ITGA4: variants seen among roughly 807,000 people sequenced by gnomAD.
ITGA4 encodes integrin subunit alpha 4, also known as integrin alpha-4.
ITGA4 carries 63 observed loss-of-function variants against 133.6 expected under a neutral mutation model. The ratio of observed to expected loss-of-function variants is 0.47; its 90% CI spans 0.38 to 0.58. ITGA4 has a LOEUF of 0.58. Among genes scored for constraint, ITGA4 ranks in the 20% least tolerant of loss-of-function variants. The probability of loss-of-function intolerance (pLI) is 0.00; values close to 1 mark genes in which losing one functional copy is unlikely to be tolerated. For missense variants in ITGA4, 1,076 were observed against 1,252.7 expected, an observed-to-expected ratio of 0.86 and a Z score of 2.13; for synonymous variants, 483 against 438.0, an observed-to-expected ratio of 1.10 and a Z score of -1.28.
chr2:181,534,329 C>A lies in ITGA4; in HGVS notation c.2842C>A (p.Pro948Thr). 6.2e-7 allele frequency: 1 copy of A among 1,610,170 alleles called. No homozygotes were observed. The highest frequency in any genetic ancestry group is 8.5e-7 in the Non-Finnish European group (1 of 1,176,656). The change falls in exon 26 of 28, where the codon CCA becomes ACA. Residue 948 changes from proline (P) to threonine (T), a missense_variant. Transcript: ENST00000397033. ...IRATGFPEPNPRVIELNKDEN... is the reference protein window; with the variant it reads ...IRATGFPEPNTRVIELNKDEN... ...AGCAACAGGTTTTCCAGAGCCAAAT[C>A]CAAGAGTAATTGAACTAAACAAGGA...
At position 181,534,799 on chromosome 2, in the gene ITGA4, TTTC is replaced by T; in HGVS notation, c.2884-14_2884-12del. 6.3e-7 allele frequency: 1 copy of T among 1,576,620 alleles called. No individual in the cohort carries two copies. Among genetic ancestry groups the T allele is most frequent in the Non-Finnish European group, 8.6e-7 (1 of 1,168,108 alleles). On this transcript the variant is annotated splice_polypyrimidine_tract_variant and intron_variant, in intron 26 of 27. Coordinates refer to ENST00000397033, the MANE Select transcript of ITGA4 (RefSeq NM_000885.6). ...TTTTTTTTGGTTTTTGAGTTTTATTTTTCTTAACTCACGTAGGTTCTACTGGAA... is the reference window on the plus strand; with the variant it reads ...TTTTTTTTGGTTTTTGAGTTTTATTTTTAACTCACGTAGGTTCTACTGGAA...
At chr2:181,531,601 A>T (rs997205832) in intron 24 of ITGA4, 56 bp from the exon 25 acceptor site, 11 of 1,000,326 alleles carry the variant, frequency 1.1e-5, no homozygotes, top group African/African-American at 8.4e-5. Flanking sequence ...AAAATATTTT[A>T]AAAATATTTT....
At chr2:181,472,278 A>G (rs1000583898) in intron 2 of ITGA4, among the ~76,000 whole-genome samples, 3 of 152,232 alleles carry the variant, frequency 2.0e-5, no homozygotes, top group East Asian at 1.9e-4. Flanking sequence ...CTATTTTTGC[A>G]CATAATTTTT....
chr2:181,524,245 T>C lies in ITGA4; in HGVS notation c.2244T>C (p.Ala748=). 1 of 1,532,196 alleles carries C rather than the reference T, an allele frequency of 6.5e-7. No homozygotes were observed. Among genetic ancestry groups the C allele is most frequent in the Non-Finnish European group, 8.9e-7 (1 of 1,121,982 alleles). 94.9% of individuals were successfully genotyped at this position (1,532,196 alleles called of 1,614,324 possible). The change falls in exon 20 of 28, where the codon GCT becomes GCC. Residue 748 remains alanine (A), a synonymous_variant. Transcript: ENST00000397033. ...AGGACCTCAGTATCACAGTGCATGC[T>C]ACCTGGTATAATTTATTGTTAATAA... ...AEEDLSITVH[A]TCENEEEMDN...
rs202008290 is a variant in ITGA4 at position 181,482,366 on chromosome 2, A to G, written c.847A>G (p.Ile283Val). The change falls in exon 8 of 28, where the codon ATA becomes GTA. Residue 283 changes from isoleucine (I) to valine (V), a missense_variant. Around this residue, in one of 4 missense-constraint regions of ITGA4, gnomAD observed 436 missense variants for 590.7 expected, o/e 0.74. Transcript: ENST00000397033. ...PQHEQIGKAY[I>V]FSIDEKELNI... is the part of the protein sequence containing the mutation. The stretch of plus-strand genomic sequence containing the variant: ...ATTCTTTCCCTAATTACAGGCATAT[A>G]TATTCAGCATTGATGAAAAAGAACT... 5 of 1,611,022 alleles carry G rather than the reference A, an allele frequency of 3.1e-6. No individual in the cohort carries two copies. The highest frequency in any genetic ancestry group is 4.2e-6 in the Non-Finnish European group (5 of 1,178,468).
chr2:181,523,759 CAT>C lies in ITGA4; in HGVS notation c.2169+228_2169+229del, dbSNP rs1295793207. Among the ~76,000 whole-genome samples, 1 of 152,036 alleles carries C rather than the reference CAT, an allele frequency of 6.6e-6. No homozygotes were observed. Among genetic ancestry groups the C allele is most frequent in the Non-Finnish European group, 1.5e-5 (1 of 68,014 alleles). On this transcript the variant is annotated intron_variant, in intron 19 of 27. Coordinates refer to ENST00000397033, the MANE Select transcript of ITGA4 (RefSeq NM_000885.6). This position sits in a 1 kb window ranked among gnomAD's most constrained non-coding sequence, Gnocchi z 4.2. ...ATGTTTACATCGAAATGGGCATGTG[CAT>C]GTGTCAATCAGAATTCTGCTCCCCC...
Position 181,482,343 on chromosome 2 carries a change from T to A in ITGA4, c.841-17T>A, listed in dbSNP as rs780057261. 1 of 1,588,282 alleles carries A rather than the reference T, an allele frequency of 6.3e-7. No individual in the cohort carries two copies. ...TGTTATTCCTAAAAACTTTTCTAAT[T>A]CTTTCCCTAATTACAGGCATATATA... is the stretch of plus-strand genomic sequence containing the variant. On this transcript the variant is annotated splice_polypyrimidine_tract_variant and intron_variant, in intron 7 of 27. Coordinates refer to ENST00000397033, the MANE Select transcript of ITGA4 (RefSeq NM_000885.6).
At chr2:181,507,124 A>C (rs1686409711) in intron 15 of ITGA4, among the ~76,000 whole-genome samples, 1 of 152,150 alleles carries the variant, frequency 6.6e-6, no homozygotes. Context: ...AAGACATCAC[A>C]GTCTGTGACC....
In ITGA4 at chr2:181,536,576, CGAA is replaced by C. The variant is rs977446985; in HGVS notation, c.*1053_*1055del. On this transcript the variant is annotated 3_prime_UTR_variant, in exon 28 of 28. Coordinates refer to ENST00000397033, the MANE Select transcript of ITGA4 (RefSeq NM_000885.6). ...GTATAAGTGTTACCTTACATGGAAA[CGAA>C]GAAACAAAATTCATAAATTTAAATT... The C allele has an allele frequency of 2.1e-5, 2 of 94,298 alleles. No homozygotes were observed. Among genetic ancestry groups the C allele is most frequent in the African/African-American group, 4.9e-5 (1 of 20,240 alleles). The allele number at this position is 94,298 out of a possible 1,614,324, so 5.8% of individuals were successfully genotyped here.
In ITGA4 at chr2:181,482,605, C is replaced by T. The variant is rs1437549653; in HGVS notation, c.995C>T (p.Thr332Ile). 2 of 1,613,694 alleles carry T rather than the reference C, an allele frequency of 1.2e-6. No individual in the cohort carries two copies. The highest frequency in any genetic ancestry group is 8.5e-7 in the Non-Finnish European group (1 of 1,179,724). The change falls in exon 9 of 28, where the codon ACC becomes ATC. Residue 332 changes from threonine (T) to isoleucine (I), a missense_variant. This residue lies in a region of ITGA4 where 436 missense variants were observed against 590.7 expected (regional missense o/e 0.74). Coordinates refer to ENST00000397033, the MANE Select transcript of ITGA4 (RefSeq NM_000885.6). ...CTCGTGGGAGCACCCATGCAGAGCACCATCAGAGAGGAAGGAAGAGTGTTT... is the reference window on the plus strand; with the variant it reads ...CTCGTGGGAGCACCCATGCAGAGCATCATCAGAGAGGAAGGAAGAGTGTTT... Reference protein sequence around the residue: ...DLLVGAPMQSTIREEGRVFVY... With the variant: ...DLLVGAPMQSIIREEGRVFVY...
intron 25 of ITGA4, among the ~76,000 whole-genome samples, chr2:181,533,708 G>C (rs1686993386): frequency 6.6e-6 from 1 of 152,120 alleles, no homozygotes; most frequent in African/African-American, 2.4e-5. Flanking sequence ...TTACACAATA[G>C]TTTTAAAGGT....
chr2:181,537,087 A>ATACACAGGAATAAACT lies in ITGA4; in HGVS notation c.*1562_*1577dup, dbSNP rs1687161400. 1 of 451,650 alleles carries ATACACAGGAATAAACT rather than the reference A, an allele frequency of 2.2e-6. No homozygotes were observed. The highest frequency in any genetic ancestry group is 6.9e-5 in the East Asian group (1 of 14,402). The allele number at this position is 451,650 out of a possible 1,614,324, so 28.0% of individuals were successfully genotyped here. A position where few individuals can be genotyped will look rare whatever the true frequency, so the allele number is the denominator to read the frequency against. On this transcript the variant is annotated 3_prime_UTR_variant, in exon 28 of 28. Transcript: ENST00000397033. ...AAAACCTCCTGAACCCAGAGTGTGT[A>ATACACAGGAATAAACT]TACACAGGAATAAACTTTATGACAT...
At chr2:181,478,885 G>T in intron 5 of ITGA4, 61 bp downstream of exon 5, 1 of 816,104 alleles carries the variant, frequency 1.2e-6, no homozygotes, top group Non-Finnish European at 1.8e-6. Flanking sequence ...TTCTTCTCAT[G>T]GTTTGGAAGA....
At chr2:181,466,145 T>C (rs988502334) in intron 2 of ITGA4, among the ~76,000 whole-genome samples, 5 of 152,124 alleles carry the variant, frequency 3.3e-5, no homozygotes, top group African/African-American at 1.2e-4. Flanking sequence ...AAACCTAAAA[T>C]CAAACCCAGA....
At chr2:181,480,097 G>A in intron 5 of ITGA4, 40 bp from the exon 6 acceptor site, 1 of 1,470,590 alleles carries the variant, frequency 6.8e-7, no homozygotes, top group South Asian at 1.3e-5. Context: ...GGGGTGGTGA[G>A]ATTAAAGTTT....
intron 17 of ITGA4, among the ~76,000 whole-genome samples, chr2:181,513,958 GT>G (rs1686556681): frequency 1.3e-5 from 2 of 152,116 alleles, no homozygotes; most frequent in Admixed American, 1.3e-4. Flanking sequence ...GCAGGGTCCT[GT>G]CATTTTTGTG....
chr2:181,490,460 T>C (rs1686024856), intron 10 of ITGA4, among the ~76,000 whole-genome samples: 1 of 151,410 alleles, frequency 6.6e-6, no homozygotes, highest in Admixed American at 6.6e-5. Flanking sequence ...ATTTCATTTT[T>C]TTTTTTTATG....
intron 15 of ITGA4, 107 bp from the exon 16 acceptor site, chr2:181,509,551 C>T (rs1189531530): frequency 3.0e-6 from 2 of 666,142 alleles, no homozygotes; most frequent in Non-Finnish European, 4.6e-6. Flanking sequence ...TAAGTATTTG[C>T]TTTGTCTTCC....
At chr2:181,496,611 C>T (rs1220093865) in intron 14 of ITGA4, among the ~76,000 whole-genome samples, 1 of 152,188 alleles carries the variant, frequency 6.6e-6, no homozygotes, top group Non-Finnish European at 1.5e-5. Flanking sequence ...ATTGATATAG[C>T]TCATCCAAAA....
Sources: gnomAD v4.1 joint callset for allele counts (sites outside exome capture counted in the v4.1 genomes callset) on GRCh38, gnomAD v4.1.1 for gene constraint, gnomAD v4.1.1 regional missense constraint, Gnocchi (gnomAD v3.1) non-coding constraint, MANE v1.5 for transcripts, NCBI Gene and HGNC (gene_info 2026-07-23, HGNC 2026-07-21) for gene names.